AGBL4: variants seen among roughly 807,000 people sequenced by gnomAD.
AGBL4 encodes the protein AGBL carboxypeptidase 4, also known as cytosolic carboxypeptidase 6.
Under a neutral mutation model 66.4 loss-of-function variants are expected in AGBL4, and 58 were observed. The observed-to-expected ratio is 0.87, with a 90% CI of 0.71 to 1.09. AGBL4 has a LOEUF of 1.09. Among genes scored for constraint, AGBL4 ranks in the 50% least tolerant of loss-of-function variants. AGBL4 has a pLI of 0.00. For synonymous variants in AGBL4, 234 were observed against 222.9 expected (o/e 1.05, Z -0.44); for missense variants, 579 against 631.0 (o/e 0.92, Z 0.88).
At chr1:49,721,186 C>T (rs1022670830) in intron 2 of AGBL4, among the ~76,000 whole-genome samples, 1 of 152,094 alleles carries the variant, frequency 6.6e-6, no homozygotes, top group Non-Finnish European at 1.5e-5. Context: ...AAAAAAGGCA[C>T]TCTGATAAGA....
intron 2 of AGBL4, among the ~76,000 whole-genome samples, chr1:49,783,916 T>C (rs151086127): frequency 5.0e-4 from 76 of 152,248 alleles, no homozygotes; most frequent in African/African-American, 1.7e-3. Flanking sequence ...GCATCACAAA[T>C]ACTTAGGAAT....
intron 1 of AGBL4, among the ~76,000 whole-genome samples, chr1:49,920,152 G>A (rs1194273925): frequency 1.3e-5 from 2 of 152,166 alleles, no homozygotes; most frequent in Admixed American, 1.3e-4. Context: ...GAAGACCTAG[G>A]CAATACCATT....
At chr1:49,170,222 AAT>A (rs1383696094) in intron 4 of AGBL4, among the ~76,000 whole-genome samples, 1 of 146,408 alleles carries the variant, frequency 6.8e-6, no homozygotes, top group Admixed American at 6.9e-5. Flanking sequence ...TATTCATATA[AAT>A]ATGTTATAAA....
chr1:48,980,615 A>T (rs1163762119), intron 5 of AGBL4, among the ~76,000 whole-genome samples: 1 of 151,118 alleles, frequency 6.6e-6, no homozygotes, highest in African/African-American at 2.4e-5. Context: ...CAGGAGGAAT[A>T]CTTGAGCCCA....
At chr1:49,695,571 A>G (rs963541189) in intron 3 of AGBL4, among the ~76,000 whole-genome samples, 1 of 152,086 alleles carries the variant, frequency 6.6e-6, no homozygotes, top group East Asian at 1.9e-4. Flanking sequence ...GAGAATGCCT[A>G]CTGTTACTGT....
chr1:49,521,294 A>C (rs1650244999), intron 3 of AGBL4, among the ~76,000 whole-genome samples: 2 of 152,144 alleles, frequency 1.3e-5, no homozygotes, highest in African/African-American at 4.8e-5. Context: ...AAAGAGCCTG[A>C]CTAGTAAAAG....
At chr1:49,700,303 ATAG>A (rs1647064600) in intron 2 of AGBL4, among the ~76,000 whole-genome samples, 2 of 17,432 alleles carry the variant, frequency 1.1e-4, no homozygotes, top group African/African-American at 7.1e-4. Flanking sequence ...CATTAAATAG[ATAG>A]ATAGATAGAT....
At chr1:49,135,339 A>G (rs1645989326) in intron 4 of AGBL4, among the ~76,000 whole-genome samples, 1 of 152,172 alleles carries the variant, frequency 6.6e-6, no homozygotes, top group Non-Finnish European at 1.5e-5. Context: ...AGTAAAAGAT[A>G]TATGTGCAAA....
chr1:49,897,725 C>G (rs1231231016), intron 1 of AGBL4, among the ~76,000 whole-genome samples: 1 of 151,848 alleles, frequency 6.6e-6, no homozygotes, highest in Non-Finnish European at 1.5e-5. Context: ...GATAGTAACT[C>G]AAACAGCATG....
chr1:48,702,385 A>G (rs1646816035), intron 6 of AGBL4, among the ~76,000 whole-genome samples: 1 of 151,820 alleles, frequency 6.6e-6, no homozygotes, highest in African/African-American at 2.4e-5. Flanking sequence ...TCCACCTCCC[A>G]GGCTCAAGCA....
chr1:49,954,007 T>C (rs1038958216), intron 1 of AGBL4, among the ~76,000 whole-genome samples: 1 of 151,782 alleles, frequency 6.6e-6, no homozygotes, highest in Non-Finnish European at 1.5e-5. Flanking sequence ...AATCCTCCTG[T>C]CTCAGGCTCC....
At chr1:48,616,011 C>T (rs1021266201) in intron 9 of AGBL4, among the ~76,000 whole-genome samples, 3 of 152,146 alleles carry the variant, frequency 2.0e-5, no homozygotes, top group African/African-American at 7.2e-5. Context: ...CTGACCCCAT[C>T]CATGAGGGAG....
chr1:49,948,239 TAA>T (rs1168911329), intron 1 of AGBL4, among the ~76,000 whole-genome samples: 1 of 98,180 alleles, frequency 1.0e-5, no homozygotes, highest in African/African-American at 5.0e-5. Flanking sequence ...TATAAATATA[TAA>T]ATAAATACAT....
intron 3 of AGBL4, among the ~76,000 whole-genome samples, chr1:49,424,548 G>A (rs929566621): frequency 6.6e-6 from 1 of 152,050 alleles, no homozygotes; most frequent in African/African-American, 2.4e-5. Context: ...TGAAATTAAG[G>A]GTACTTATTT....
chr1:49,997,415 T>A (rs769022482), intron 1 of AGBL4, among the ~76,000 whole-genome samples: 8 of 152,074 alleles, frequency 5.3e-5, no homozygotes, highest in Non-Finnish European at 8.8e-5. Flanking sequence ...TATTCTTATA[T>A]CAGACAAAAC....
At chr1:48,857,380 G>T (rs1228403672) in intron 6 of AGBL4, among the ~76,000 whole-genome samples, 8 of 152,140 alleles carry the variant, frequency 5.3e-5, no homozygotes, top group Admixed American at 5.2e-4. Flanking sequence ...ACTCAAAATG[G>T]ATCTAATACC....
chr1:49,232,427 G>C (rs759574123), intron 4 of AGBL4, among the ~76,000 whole-genome samples: 1 of 152,054 alleles, frequency 6.6e-6, no homozygotes, highest in Non-Finnish European at 1.5e-5. Context: ...GGCTGGGCGC[G>C]GTGGCTCAAG....
intron 3 of AGBL4, among the ~76,000 whole-genome samples, chr1:49,576,687 G>A (rs1468408927): frequency 6.6e-6 from 1 of 152,288 alleles, no homozygotes; most frequent in African/African-American, 2.4e-5. Context: ...TTGGGCTCAA[G>A]TAGGTCCTGA....
intron 6 of AGBL4, among the ~76,000 whole-genome samples, chr1:48,840,532 A>G (rs1646775546): frequency 1.3e-5 from 2 of 152,202 alleles, no homozygotes; most frequent in Non-Finnish European, 2.9e-5. Context: ...CACTTGTTCA[A>G]TATCATTAGA....
Sources: gnomAD v4.1 joint callset for allele counts (sites outside exome capture counted in the v4.1 genomes callset) on GRCh38, gnomAD v4.1.1 for gene constraint, MANE v1.5 for transcripts, NCBI Gene and HGNC (gene_info 2026-07-23, HGNC 2026-07-21) for gene names.